The following SNTG1 variants were observed in gnomAD, a reference collection of about 807,000 sequenced individuals.
The protein encoded by SNTG1 is syntrophin gamma 1.
Under a neutral mutation model 74.7 loss-of-function variants are expected in SNTG1, and 39 were observed. That is an observed-to-expected ratio of 0.52 (90% CI 0.40 to 0.68). The LOEUF is 0.68. Ranked by LOEUF, SNTG1 falls within the 30% of genes least tolerant of loss-of-function variation. SNTG1 has a pLI of 0.00. For synonymous variants in SNTG1, 254 were observed against 217.1 expected (o/e 1.17, Z -1.49); for missense variants, 685 against 609.5 (o/e 1.12, Z -1.30).
chr8:50,571,500 C>T (rs2094548961), intron 12 of SNTG1, among the ~76,000 whole-genome samples: 1 of 152,232 alleles, frequency 6.6e-6, no homozygotes, highest in African/African-American at 2.4e-5. Flanking sequence ...CCAAAGCACA[C>T]TTAATGAAGC....
chr8:50,770,651 C>A (rs762096954), intron 18 of SNTG1, among the ~76,000 whole-genome samples: 1 of 152,038 alleles, frequency 6.6e-6, no homozygotes, highest in Admixed American at 6.6e-5. Context: ...CCCTCTGAAA[C>A]TCATGTTAAA....
At chr8:49,958,935 G>T (rs1563396521) in intron 1 of SNTG1, among the ~76,000 whole-genome samples, 1 of 152,188 alleles carries the variant, frequency 6.6e-6, no homozygotes, top group Non-Finnish European at 1.5e-5. Flanking sequence ...AAAGCCTAAA[G>T]TATCTTGTGT....
chr8:50,752,409 G>C (rs549081351), intron 18 of SNTG1, among the ~76,000 whole-genome samples: 1 of 151,758 alleles, frequency 6.6e-6, no homozygotes, highest in African/African-American at 2.4e-5. Context: ...CAGTCCTTTG[G>C]TAGTTTCATT....
chr8:49,959,591 A>G (rs1407860847), intron 1 of SNTG1, among the ~76,000 whole-genome samples: 2 of 152,232 alleles, frequency 1.3e-5, no homozygotes, highest in Non-Finnish European at 1.5e-5. Context: ...CAATGTTTTC[A>G]AGGTCCATCC....
chr8:50,442,106 C>T (rs558689508), intron 5 of SNTG1, among the ~76,000 whole-genome samples: 72 of 152,318 alleles, frequency 4.7e-4, no homozygotes, highest in African/African-American at 1.7e-3. Flanking sequence ...GGCTGACACT[C>T]TCGCATCCCC....
At chr8:50,256,915 T>C (rs2086909743) in intron 2 of SNTG1, among the ~76,000 whole-genome samples, 1 of 152,130 alleles carries the variant, frequency 6.6e-6, no homozygotes, top group Non-Finnish European at 1.5e-5. Context: ...TCTGTGACAT[T>C]TGAGCCAGCT....
chr8:50,241,143 C>A (rs1264055692), intron 2 of SNTG1, among the ~76,000 whole-genome samples: 5 of 152,178 alleles, frequency 3.3e-5, no homozygotes, highest in Non-Finnish European at 2.9e-5. Flanking sequence ...AGTTCTGATA[C>A]ACTTATACTT....
intron 12 of SNTG1, among the ~76,000 whole-genome samples, chr8:50,578,658 G>A (rs1263412876): frequency 6.6e-6 from 1 of 152,160 alleles, no homozygotes; most frequent in African/African-American, 2.4e-5. Context: ...ATTATAGCGA[G>A]TGAGTTCTCA....
At chr8:50,039,959 C>T (rs887213168) in intron 1 of SNTG1, among the ~76,000 whole-genome samples, 1 of 152,124 alleles carries the variant, frequency 6.6e-6, no homozygotes, top group Admixed American at 6.5e-5. Context: ...ATGTCGAGCT[C>T]TCTGTGTGCC....
chr8:50,336,889 G>A (rs969597444), intron 2 of SNTG1, among the ~76,000 whole-genome samples: 8 of 152,150 alleles, frequency 5.3e-5, no homozygotes, highest in East Asian at 1.9e-4. Context: ...CCCATAGATT[G>A]TGGCCATTGA....
chr8:50,745,874 G>A (rs973130392), intron 17 of SNTG1, among the ~76,000 whole-genome samples: 1 of 151,912 alleles, frequency 6.6e-6, no homozygotes, highest in African/African-American at 2.4e-5. Flanking sequence ...AGTGGGGAAA[G>A]ATAAGTGAAG....
intron 2 of SNTG1, among the ~76,000 whole-genome samples, chr8:50,253,794 T>C (rs1369872170): frequency 2.6e-5 from 4 of 151,800 alleles, no homozygotes; most frequent in Admixed American, 1.3e-4. Flanking sequence ...AAGAACATTA[T>C]GTTAAGTGAA....
intron 1 of SNTG1, among the ~76,000 whole-genome samples, chr8:50,105,474 TTTTTGTTTTG>T (rs1277206660): frequency 6.6e-6 from 1 of 151,904 alleles, no homozygotes; most frequent in Non-Finnish European, 1.5e-5. Context: ...GTCTTCAGCT[TTTTTGTTTTG>T]TTTTGTTTTG....
At chr8:50,287,414 T>G (rs564837711) in intron 2 of SNTG1, among the ~76,000 whole-genome samples, 1 of 152,304 alleles carries the variant, frequency 6.6e-6, no homozygotes, top group African/African-American at 2.4e-5. Context: ...CCTTGATTCC[T>G]GAGCTTTCAT....
chr8:50,629,765 A>G (rs2094983404), intron 13 of SNTG1, among the ~76,000 whole-genome samples: 2 of 152,258 alleles, frequency 1.3e-5, no homozygotes, highest in Admixed American at 6.5e-5. Context: ...TTGTGTCATT[A>G]CCTCTGTTCA....
intron 1 of SNTG1, among the ~76,000 whole-genome samples, chr8:49,975,146 G>T (rs557894472): frequency 6.6e-6 from 1 of 152,262 alleles, no homozygotes; most frequent in Admixed American, 6.5e-5. Context: ...TGTACTTAAA[G>T]ACATATTTGG....
At chr8:50,058,325 T>G (rs1252185658) in intron 1 of SNTG1, among the ~76,000 whole-genome samples, 2 of 152,148 alleles carry the variant, frequency 1.3e-5, no homozygotes, top group African/African-American at 4.8e-5. Flanking sequence ...AGATTGTTTT[T>G]AATGTAGAAA....
intron 13 of SNTG1, among the ~76,000 whole-genome samples, chr8:50,599,151 C>A (rs1306160930): frequency 6.6e-6 from 1 of 152,074 alleles, no homozygotes; most frequent in East Asian, 1.9e-4. Context: ...TCTTGGTACA[C>A]TTGTTGGAAA....
chr8:50,231,661 A>T (rs2085634724), intron 2 of SNTG1, among the ~76,000 whole-genome samples: 1 of 151,370 alleles, frequency 6.6e-6, no homozygotes, highest in South Asian at 2.1e-4. Context: ...TTATATATGA[A>T]ATCTAAAAAG....
Sources: allele counts gnomAD v4.1 joint callset (sites outside exome capture counted in the v4.1 genomes callset), GRCh38; gene constraint gnomAD v4.1.1; transcripts MANE v1.5; gene names NCBI Gene and HGNC (gene_info 2026-07-23, HGNC 2026-07-21).